The following GSE1 variants were observed in gnomAD, a reference collection of about 807,000 sequenced individuals.
GSE1 encodes genetic suppressor element 1.
A neutral mutation model predicts 112.6 loss-of-function variants in GSE1; 32 were observed. That is an observed-to-expected ratio of 0.28 (90% CI 0.21 to 0.38). The LOEUF (loss-of-function observed/expected upper bound fraction) is 0.38. Among genes scored for constraint, GSE1 ranks in the 10% least tolerant of loss-of-function variants. The probability of loss-of-function intolerance (pLI) is 1.00; values close to 1 mark genes in which losing one functional copy is unlikely to be tolerated. For synonymous variants in GSE1, 1,115 were observed against 735.6 expected (o/e 1.52, Z -8.35); for missense variants, 2,348 against 1,699.2 (o/e 1.38, Z -6.71).
At chr16:85,626,518 G>C (rs985918821) in intron 1 of GSE1, among the ~76,000 whole-genome samples, 1 of 152,236 alleles carries the variant, frequency 6.6e-6, no homozygotes, top group Non-Finnish European at 1.5e-5. Context: ...TTACCAAGAG[G>C]GGTGATTAGA....
At position 85,302,222 on chromosome 16, in the gene GSE1, G is replaced by A. The variant is rs140161070; in HGVS notation, c.2284-55241G>A. Among the ~76,000 whole-genome samples the A allele has an allele frequency of 7.9e-5, 12 of 152,288 alleles. No individual in the cohort carries two copies. In the East Asian group the frequency reaches 1.5e-3, roughly 20 times the overall value. On this transcript the variant is annotated intron_variant, in intron 1 of 2. Coordinates refer to the GSE1 transcript ENST00000637419. ...GACTCGAATGCACACTCTAATCTTC[G>A]CTTGGCGGTTCAGCTTTCAGGAGCC...
chr16:85,550,746 G>T (rs1490682559), intron 2 of GSE1, among the ~76,000 whole-genome samples: 1 of 152,214 alleles, frequency 6.6e-6, no homozygotes, highest in Admixed American at 6.5e-5. Flanking sequence ...GGCCAGCTAG[G>T]CTGTCTCCGT....
chr16:85,390,647 G>A (rs1402389684), intron 2 of GSE1, among the ~76,000 whole-genome samples: 1 of 152,000 alleles, frequency 6.6e-6, no homozygotes, highest in African/African-American at 2.4e-5. Flanking sequence ...AATGGGGTGA[G>A]CTTGGACGCT....
Position 85,664,870 on chromosome 16 carries a change from A to G in GSE1, c.2645-145A>G, listed in dbSNP as rs1452934599. 6 of 617,826 alleles carry G rather than the reference A, an allele frequency of 9.7e-6. No homozygotes were observed. In the East Asian group the frequency reaches 1.1e-4, roughly 11 times the overall value. The allele number at this position is 617,826 out of a possible 1,614,324, so 38.3% of individuals were successfully genotyped here. A position where few individuals can be genotyped will look rare whatever the true frequency, so the allele number is the denominator to read the frequency against. On this transcript the variant is annotated intron_variant, in intron 11 of 15. Coordinates refer to ENST00000253458, the MANE Select transcript of GSE1 (RefSeq NM_014615.5). ...GCTTTGAGATGGTTGCTTCCTTTCA[A>G]CTGGGCCTGCCCCATCACACCTGCT...
chr16:85,646,788 C>T (rs1015159482), intron 2 of GSE1, among the ~76,000 whole-genome samples: 17 of 152,064 alleles, frequency 1.1e-4, no homozygotes, highest in African/African-American at 3.6e-4. Context: ...CTCTTGACCC[C>T]CAGGCAGCAG....
intron 2 of GSE1, among the ~76,000 whole-genome samples, chr16:85,637,360 G>A (rs552191627): frequency 6.6e-6 from 1 of 152,344 alleles, no homozygotes; most frequent in Non-Finnish European, 1.5e-5. Context: ...GACGACCCGG[G>A]TCGGGGGAGC....
At chr16:85,221,380 C>T (rs1287619067) in intron 1 of GSE1, among the ~76,000 whole-genome samples, 1 of 152,096 alleles carries the variant, frequency 6.6e-6, no homozygotes, top group Non-Finnish European at 1.5e-5. Flanking sequence ...ATACTACACA[C>T]ACCCACATGC....
chr16:85,271,325 T>C (rs1478490707), intron 1 of GSE1, among the ~76,000 whole-genome samples: 1 of 152,126 alleles, frequency 6.6e-6, no homozygotes, highest in Non-Finnish European at 1.5e-5. Flanking sequence ...TTCCCCGCGC[T>C]CCTGCCTGTT....
At chr16:85,456,848 C>T (rs1338755361) in intron 2 of GSE1, among the ~76,000 whole-genome samples, 2 of 152,016 alleles carry the variant, frequency 1.3e-5, no homozygotes, top group Non-Finnish European at 1.5e-5. Context: ...CCGCCATTGC[C>T]AGGGACGGTG....
chr16:85,180,985 G>A (rs557539172), intron 1 of GSE1, among the ~76,000 whole-genome samples: 3 of 152,188 alleles, frequency 2.0e-5, no homozygotes, highest in Admixed American at 6.5e-5. Context: ...CCATTTCAAC[G>A]TTTTAAGTCA....
intron 2 of GSE1, among the ~76,000 whole-genome samples, chr16:85,541,731 G>A (rs1458893323): frequency 6.6e-6 from 1 of 152,228 alleles, no homozygotes; most frequent in Non-Finnish European, 1.5e-5. Flanking sequence ...TGGTGTTGAT[G>A]AGCAGTACAG....
chr16:85,552,328 C>CTTTTTTTTTTTTTTT (rs1195413161), upstream of GSE1, among the ~76,000 whole-genome samples: 41 of 47,754 alleles, frequency 8.6e-4, 2 homozygotes, highest in African/African-American at 1.5e-3. Flanking sequence ...CCCGCCCCTC[C>CTTTTTTTTTTTTTTT]TTTTTTTTTT....
intron 2 of GSE1, among the ~76,000 whole-genome samples, chr16:85,381,956 G>A (rs1333124477): frequency 6.6e-6 from 1 of 152,230 alleles, no homozygotes; most frequent in Admixed American, 6.5e-5. Flanking sequence ...AGTGCCTGAG[G>A]AAGTCTGGTC....
chr16:85,563,395 G>A (rs192606795), intron 1 of GSE1, among the ~76,000 whole-genome samples: 1 of 152,062 alleles, frequency 6.6e-6, no homozygotes, highest in Non-Finnish European at 1.5e-5. Context: ...GTATTTTTCC[G>A]GCTTTTTCCC....
At chr16:85,486,093 T>C (rs1597915614) in intron 2 of GSE1, among the ~76,000 whole-genome samples, 1 of 152,276 alleles carries the variant, frequency 6.6e-6, no homozygotes, top group Middle Eastern at 3.4e-3. Flanking sequence ...CCCTGCCAAC[T>C]GGGGGCACCC....
At chr16:85,375,449 T>C (rs2047398062) in intron 2 of GSE1, among the ~76,000 whole-genome samples, 2 of 152,080 alleles carry the variant, frequency 1.3e-5, no homozygotes, top group African/African-American at 4.8e-5. Context: ...CCAGCCCCCA[T>C]ATCTGGGAAG....
rs147032925 is a variant in GSE1 at position 85,468,061 on chromosome 16, C to T, written c.2464+110418C>T. 4.8e-3 allele frequency among the ~76,000 whole-genome samples: 736 copies of T among 152,202 alleles called. 5 individuals are homozygous for T. The highest frequency in any genetic ancestry group is 0.017 in the African/African-American group (706 of 41,518). ...TCCCTCACTGTGTCCCTGGAGTGAC[C>T]CCCTGGCCTCCTCCCAAGAGCCACA... On this transcript the variant is annotated intron_variant, in intron 2 of 2. Transcript: ENST00000637419.
intron 1 of GSE1, among the ~76,000 whole-genome samples, chr16:85,206,097 C>A (rs1370078360): frequency 6.6e-6 from 1 of 150,626 alleles, no homozygotes; most frequent in Non-Finnish European, 1.5e-5. Flanking sequence ...CTGGGGAGGC[C>A]GGGAGGCATC....
chr16:85,279,207 A>G (rs1296868395), intron 1 of GSE1, among the ~76,000 whole-genome samples: 3 of 152,270 alleles, frequency 2.0e-5, no homozygotes, highest in African/African-American at 7.2e-5. Flanking sequence ...AGGATGCTTC[A>G]GGCCAAGGCC....
Sources: allele counts gnomAD v4.1 joint callset (sites outside exome capture counted in the v4.1 genomes callset), GRCh38; gene constraint gnomAD v4.1.1; transcripts MANE v1.5; gene names NCBI Gene and HGNC (gene_info 2026-07-23, HGNC 2026-07-21).